The following GFRAL variants were observed in gnomAD, a reference collection of about 807,000 sequenced individuals.
The protein encoded by GFRAL is GDNF family receptor alpha-like.
A neutral mutation model predicts 45.4 loss-of-function variants in GFRAL; 36 were observed. That is an observed-to-expected ratio of 0.79 (90% CI 0.61 to 1.05). The LOEUF (loss-of-function observed/expected upper bound fraction) is 1.05, where lower values mean the gene tolerates loss of function less well. Ranked by LOEUF, GFRAL falls within the 50% of genes least tolerant of loss-of-function variation. The pLI, the probability that GFRAL is intolerant of heterozygous loss-of-function variation, is 0.00. For missense variants in GFRAL, 507 were observed against 467.5 expected (o/e 1.08, Z -0.78); for synonymous variants, 166 against 154.1 (o/e 1.08, Z -0.57).
chr6:55,399,057 T>C (rs1768862420), intron 6 of GFRAL, 123 bp from the exon 7 acceptor site: 3 of 521,858 alleles, frequency 5.7e-6, no homozygotes, highest in South Asian at 3.7e-5. Context: ...TATTCAAATC[T>C]ATCAGATTAA....
chr6:55,382,455 A>G (rs1471485361), intron 6 of GFRAL, among the ~76,000 whole-genome samples: 1 of 151,992 alleles, frequency 6.6e-6, no homozygotes, highest in African/African-American at 2.4e-5. Context: ...GCTATTTAAT[A>G]TATACACTTA....
At chr6:55,358,527 C>T (rs1215995884) in intron 5 of GFRAL, among the ~76,000 whole-genome samples, 1 of 151,848 alleles carries the variant, frequency 6.6e-6, no homozygotes, top group African/African-American at 2.4e-5. Flanking sequence ...ACACAGTGGC[C>T]AAAGGCTAGC....
intron 3 of GFRAL, among the ~76,000 whole-genome samples, chr6:55,340,931 G>A (rs560127527): frequency 2.0e-4 from 31 of 152,286 alleles, no homozygotes; most frequent in East Asian, 9.7e-4. Flanking sequence ...CATTCCTAGC[G>A]CAGCAGTCTG....
intron 6 of GFRAL, among the ~76,000 whole-genome samples, chr6:55,368,151 T>C (rs1446797074): frequency 6.6e-6 from 1 of 150,892 alleles, no homozygotes; most frequent in African/African-American, 2.4e-5. Context: ...CTTTTTATTC[T>C]TTTTTCTCTA....
chr6:55,381,692 G>T (rs935978972), intron 6 of GFRAL, among the ~76,000 whole-genome samples: 6 of 151,608 alleles, frequency 4.0e-5, no homozygotes, highest in African/African-American at 9.7e-5. Flanking sequence ...ATAAAGGTTC[G>T]AACTCACTTT....
At chr6:55,338,117 G>A (rs1475578202) in intron 3 of GFRAL, among the ~76,000 whole-genome samples, 1 of 152,056 alleles carries the variant, frequency 6.6e-6, no homozygotes, top group Non-Finnish European at 1.5e-5. Flanking sequence ...TTGAGGCAGA[G>A]TCTCTCTCTG....
chr6:55,372,031 G>A (rs1344867996), intron 6 of GFRAL, among the ~76,000 whole-genome samples: 1 of 152,072 alleles, frequency 6.6e-6, no homozygotes, highest in African/African-American at 2.4e-5. Flanking sequence ...TTTCCCATAG[G>A]TTATCAACAA....
intron 5 of GFRAL, among the ~76,000 whole-genome samples, chr6:55,356,465 A>G (rs1768196743): frequency 6.6e-6 from 1 of 151,850 alleles, no homozygotes; most frequent in African/African-American, 2.4e-5. Flanking sequence ...TTATTCACTT[A>G]TCCATTTTAG....
chr6:55,381,821 A>T (rs912721504), intron 6 of GFRAL, among the ~76,000 whole-genome samples: 1 of 151,140 alleles, frequency 6.6e-6, no homozygotes, highest in Admixed American at 6.6e-5. Context: ...CCCTGCAAAA[A>T]CTCCTCTCTC....
At chr6:55,330,243 C>T (rs1767812482) in intron 1 of GFRAL, among the ~76,000 whole-genome samples, 2 of 152,050 alleles carry the variant, frequency 1.3e-5, no homozygotes, top group African/African-American at 2.4e-5. Flanking sequence ...TATATATAAA[C>T]ATCTAATAAC....
chr6:55,335,502 G>C (rs1767879479), intron 3 of GFRAL, among the ~76,000 whole-genome samples: 1 of 151,926 alleles, frequency 6.6e-6, no homozygotes, highest in Non-Finnish European at 1.5e-5. Context: ...TTTTGATGTT[G>C]CATCTAATAA....
chr6:55,371,358 G>A (rs755377050), intron 6 of GFRAL, among the ~76,000 whole-genome samples: 2 of 151,990 alleles, frequency 1.3e-5, no homozygotes, highest in Admixed American at 6.6e-5. Context: ...GAATTATTTT[G>A]TTCTTCCTTT....
At chr6:55,386,721 C>T (rs1021227213) in intron 6 of GFRAL, among the ~76,000 whole-genome samples, 14 of 152,096 alleles carry the variant, frequency 9.2e-5, no homozygotes, top group African/African-American at 3.4e-4. Flanking sequence ...AGAGAAGAGA[C>T]ATGGAGGAGT....
At chr6:55,343,958 T>C (rs976425183) in intron 3 of GFRAL, among the ~76,000 whole-genome samples, 5 of 152,058 alleles carry the variant, frequency 3.3e-5, no homozygotes, top group African/African-American at 1.2e-4. Flanking sequence ...AATTCCTGGA[T>C]GCATACACTC....
At chr6:55,378,679 G>A (rs990494317) in intron 6 of GFRAL, among the ~76,000 whole-genome samples, 5 of 151,134 alleles carry the variant, frequency 3.3e-5, no homozygotes, top group African/African-American at 1.2e-4. Context: ...CTTTTCTACA[G>A]TCTTCCAAGT....
intron 6 of GFRAL, among the ~76,000 whole-genome samples, chr6:55,393,935 T>TG (rs1470546170): frequency 2.0e-5 from 3 of 152,172 alleles, no homozygotes; most frequent in Non-Finnish European, 4.4e-5. Context: ...TTGAGATTAC[T>TG]GGGGGTATTT....
chr6:55,380,751 A>G (rs1017267653), intron 6 of GFRAL, among the ~76,000 whole-genome samples: 1 of 151,956 alleles, frequency 6.6e-6, no homozygotes, highest in Admixed American at 6.6e-5. Flanking sequence ...CACATTAGCC[A>G]CTCAATAAGT....
At chr6:55,360,175 T>C (rs1768254214) in intron 6 of GFRAL, among the ~76,000 whole-genome samples, 1 of 151,970 alleles carries the variant, frequency 6.6e-6, no homozygotes, top group South Asian at 2.1e-4. Context: ...GATGTGATCA[T>C]GTAATAATTC....
chr6:55,369,248 C>T (rs1768414807), intron 6 of GFRAL, among the ~76,000 whole-genome samples: 1 of 152,186 alleles, frequency 6.6e-6, no homozygotes, highest in Non-Finnish European at 1.5e-5. Flanking sequence ...AGAAAGGGAA[C>T]TCCCTGACCC....
Sources: allele counts gnomAD v4.1 joint callset (sites outside exome capture counted in the v4.1 genomes callset), GRCh38; gene constraint gnomAD v4.1.1; transcripts MANE v1.5; gene names NCBI Gene and HGNC (gene_info 2026-07-23, HGNC 2026-07-21).